PLEKHG7: variants seen among roughly 807,000 people sequenced by gnomAD.
The protein encoded by PLEKHG7 is pleckstrin homology domain-containing family G member 7.
A neutral mutation model predicts 85.2 loss-of-function variants in PLEKHG7; 77 were observed. The ratio of observed to expected loss-of-function variants is 0.90; its 90% confidence interval spans 0.75 to 1.09. The LOEUF is 1.09. Among genes scored for constraint, PLEKHG7 ranks in the 50% least tolerant of loss-of-function variants. PLEKHG7 has a pLI of 0.00. For synonymous variants in PLEKHG7, 301 were observed against 302.4 expected, an observed-to-expected ratio of 1.00 and a Z score of 0.05; for missense variants, 777 against 804.3, an observed-to-expected ratio of 0.97 and a Z score of 0.41.
In PLEKHG7 at chr12:92,764,076, TTC is replaced by T; in HGVS notation, c.1756_1757del (p.Leu586TyrfsTer3). 1 of 1,612,672 alleles carries T rather than the reference TTC, an allele frequency of 6.2e-7. No homozygotes were observed. The highest frequency in any genetic ancestry group is 2.2e-5 in the East Asian group (1 of 44,750). ...GCTCAGACCCTGGTTTAATGTGTCC[TTC>T]TCTTACTCCTGAGTTGCAAGCAGTA... ...GGSDPGLMCP[S>X]LTPELQAVIK... On this transcript the variant is annotated frameshift_variant, in exon 15 of 17. Coordinates refer to ENST00000344636, the MANE Select transcript of PLEKHG7 (RefSeq NM_001377329.1). LOFTEE classifies it high-confidence loss of function.
intron 15 of PLEKHG7, among the ~76,000 whole-genome samples, chr12:92,767,497 CTT>C (rs59965480): frequency 0.3 from 43,830 of 147,462 alleles, 6,741 homozygotes; most frequent in Non-Finnish European, 0.33. Flanking sequence ...ACACAGCCAG[CTT>C]TTTTTTTTTT....
At chr12:92,716,716 G>A (rs924644248) in intron 3 of PLEKHG7, among the ~76,000 whole-genome samples, 2 of 152,150 alleles carry the variant, frequency 1.3e-5, no homozygotes, top group African/African-American at 4.8e-5. Flanking sequence ...GGGTTTCCCC[G>A]CATCTTATAA....
At chr12:92,720,943 G>A (rs1011737839) in intron 3 of PLEKHG7, among the ~76,000 whole-genome samples, 4 of 152,150 alleles carry the variant, frequency 2.6e-5, no homozygotes, top group Admixed American at 2.0e-4. Flanking sequence ...CTTGGAGTCA[G>A]ACCTGCATAT....
intron 4 of PLEKHG7, among the ~76,000 whole-genome samples, chr12:92,730,699 C>T (rs1279970457): frequency 1.3e-5 from 2 of 152,232 alleles, no homozygotes; most frequent in East Asian, 1.9e-4. Context: ...GGATTACAGG[C>T]GCAAGCCGCT....
chr12:92,770,133 A>G lies in PLEKHG7; in HGVS notation c.2014A>G (p.Lys672Glu), dbSNP rs371343886. The G allele has an allele frequency of 1.2e-6, 2 of 1,608,572 alleles. No homozygotes were observed. The highest frequency in any genetic ancestry group is 2.7e-5 in the African/African-American group (2 of 74,766). Residue 672 changes from lysine (K) to glutamate (E), a missense_variant, in exon 17 of 17, where the codon AAG (lysine) becomes GAG (glutamate). This residue lies in a region of PLEKHG7 where 520 missense variants were observed against 544.0 expected (regional missense o/e 0.96). Transcript: ENST00000344636. Reference protein sequence around the residue: ...QITTAISCFTKSQETKKISLF... With the variant: ...QITTAISCFTESQETKKISLF... ...AACAACTGCAATTTCTTGCTTTACC[A>G]AGAGTCAGGAAACCAAGAAAATATC...
In PLEKHG7 at chr12:92,707,108, C is replaced by A; in HGVS notation, c.477C>A (p.Pro159=). 1 of 1,613,900 alleles carries A rather than the reference C, an allele frequency of 6.2e-7. No homozygotes were observed. The highest frequency in any genetic ancestry group is 8.5e-7 in the Non-Finnish European group (1 of 1,179,922). The change falls in exon 2 of 17, where the codon CCC becomes CCA. Residue 159 remains proline, a synonymous_variant. Coordinates refer to ENST00000344636, the MANE Select transcript of PLEKHG7 (RefSeq NM_001377329.1). ...GGCAGCAAGAAGGCCACTTCCTGCCCAGCCCCACCCTACGACACCCTAGTC... is the reference window on the plus strand; with the variant it reads ...GGCAGCAAGAAGGCCACTTCCTGCCAAGCCCCACCCTACGACACCCTAGTC... ...SLRQQEGHFL[P]SPTLRHPSPQ...
chr12:92,741,680 CT>C, intron 9 of PLEKHG7, 88 bp downstream of exon 9: 1 of 940,982 alleles, frequency 1.1e-6, no homozygotes, highest in Non-Finnish European at 1.6e-6. Context: ...GATTTTAATT[CT>C]CCCTGGGAAA....
intron 13 of PLEKHG7, among the ~76,000 whole-genome samples, chr12:92,760,210 T>C (rs144863334): frequency 1.7e-3 from 255 of 152,306 alleles, no homozygotes; most frequent in African/African-American, 5.1e-3. Flanking sequence ...TCTCTGAGGA[T>C]GGGTACTCAC....
At chr12:92,725,298 A>G (rs1871761854) in intron 3 of PLEKHG7, among the ~76,000 whole-genome samples, 1 of 152,180 alleles carries the variant, frequency 6.6e-6, no homozygotes, top group Non-Finnish European at 1.5e-5. Flanking sequence ...TCAGGCAGGT[A>G]AATGGAGCCA....
chr12:92,717,103 A>G (rs144111436), intron 3 of PLEKHG7, among the ~76,000 whole-genome samples: 61 of 152,350 alleles, frequency 4.0e-4, no homozygotes, highest in African/African-American at 1.2e-3. Flanking sequence ...GGAAGCATCC[A>G]TCTTACCTAA....
chr12:92,738,953 T>C (rs1029314204), intron 7 of PLEKHG7, among the ~76,000 whole-genome samples: 5 of 152,216 alleles, frequency 3.3e-5, no homozygotes, highest in Non-Finnish European at 7.3e-5. Context: ...AATAGAAAAC[T>C]AGCTTAAATA....
chr12:92,738,702 G>C (rs1872257103), intron 7 of PLEKHG7, among the ~76,000 whole-genome samples: 1 of 152,196 alleles, frequency 6.6e-6, no homozygotes, highest in African/African-American at 2.4e-5. Flanking sequence ...CTTGTCCTAA[G>C]CTGTAAAAGA....
chr12:92,767,255 A>C lies in PLEKHG7; in HGVS notation c.1871-1728A>C, dbSNP rs182169726. On this transcript the variant is annotated intron_variant, in intron 15 of 16. Transcript: ENST00000344636. ...AAAGAGCTATTCTTGCCTGTATATT[A>C]TACTCTCTCCAAATTGTATTTTACA... Among the ~76,000 whole-genome samples the C allele has an allele frequency of 2.0e-5, 3 of 152,348 alleles. No homozygotes were observed. The East Asian group carries it at 5.8e-4, about 29-fold the overall frequency.
chr12:92,746,802 A>G (rs1872546417), intron 10 of PLEKHG7, among the ~76,000 whole-genome samples: 1 of 152,388 alleles, frequency 6.6e-6, no homozygotes, highest in East Asian at 1.9e-4. Flanking sequence ...TTGAGTAAAT[A>G]GCATTAGGAA....
At chr12:92,710,437 G>C (rs1871345754) in intron 3 of PLEKHG7, among the ~76,000 whole-genome samples, 1 of 152,196 alleles carries the variant, frequency 6.6e-6, no homozygotes, top group Non-Finnish European at 1.5e-5. Context: ...GCCTTGGTCA[G>C]AGGCAATGCT....
intron 5 of PLEKHG7, among the ~76,000 whole-genome samples, chr12:92,735,779 A>G (rs1386710315): frequency 1.3e-5 from 2 of 152,236 alleles, no homozygotes; most frequent in African/African-American, 2.4e-5. Flanking sequence ...TTAAAAATTA[A>G]TTATGAATAT....
Position 92,770,326 on chromosome 12 carries a change from A to G in PLEKHG7, c.*131A>G. On this transcript the variant is annotated 3_prime_UTR_variant, in exon 17 of 17. Coordinates refer to ENST00000344636, the MANE Select transcript of PLEKHG7 (RefSeq NM_001377329.1). ...CATTTTAAAGAAGTTTCAGAATTTGAAATTTTGAGCTAGGAAAATCCTCAG... is the reference window on the plus strand; with the variant it reads ...CATTTTAAAGAAGTTTCAGAATTTGGAATTTTGAGCTAGGAAAATCCTCAG... 1 of 735,314 alleles carries G rather than the reference A, an allele frequency of 1.4e-6. No individual in the cohort carries two copies. The highest frequency in any genetic ancestry group is 2.2e-6 in the Non-Finnish European group (1 of 449,362). The allele number at this position is 735,314 out of a possible 1,614,324, so 45.5% of individuals were successfully genotyped here.
chr12:92,724,201 G>C (rs888278420), intron 3 of PLEKHG7, among the ~76,000 whole-genome samples: 2 of 152,094 alleles, frequency 1.3e-5, no homozygotes, highest in African/African-American at 4.8e-5. Context: ...GGCTGGATTT[G>C]TACACTGCTA....
intron 10 of PLEKHG7, among the ~76,000 whole-genome samples, chr12:92,747,705 G>A (rs1212074431): frequency 2.0e-5 from 3 of 152,280 alleles, no homozygotes; most frequent in Non-Finnish European, 2.9e-5. Flanking sequence ...ACATATCTGT[G>A]CAGTAGACTA....
Sources: allele counts gnomAD v4.1 joint callset (sites outside exome capture counted in the v4.1 genomes callset), GRCh38; gene constraint gnomAD v4.1.1; regional missense constraint gnomAD v4.1.1; transcripts MANE v1.5; gene names NCBI Gene and HGNC (gene_info 2026-07-23, HGNC 2026-07-21).